LTB4R: variants seen among roughly 807,000 people sequenced by gnomAD.
LTB4R encodes leukotriene B4 receptor.
For missense variants in LTB4R, 470 were observed against 485.6 expected (o/e 0.97, Z 0.30); for synonymous variants, 250 against 230.7 (o/e 1.08, Z -0.76).
chr14:24,314,571 C>T (rs2041752748), intron 1 of LTB4R: 2 of 152,350 alleles, frequency 1.3e-5, no homozygotes, highest in Admixed American at 1.3e-4. Context: ...AATCTGAGCC[C>T]ATTTCCCTTC....
At position 24,317,612 on chromosome 14, in the gene LTB4R, G is replaced by A. The variant is rs2041788470; in HGVS notation, c.*902G>A. On this transcript the variant is annotated 3_prime_UTR_variant, in exon 2 of 2. Coordinates refer to ENST00000345363, the MANE Select transcript of LTB4R (RefSeq NM_001143919.3). ...GAAGATGGCAACAACAGTGGCAGCAGTGTACTTTTTGGATCTTTCTCATAA... is the reference window on the plus strand; with the variant it reads ...GAAGATGGCAACAACAGTGGCAGCAATGTACTTTTTGGATCTTTCTCATAA... The A allele has an allele frequency of 6.0e-6, 1 of 166,976 alleles. No homozygotes were observed. The allele number at this position is 166,976 out of a possible 1,614,324, so 10.3% of individuals were successfully genotyped here.
Position 24,311,791 on chromosome 14 carries a change from C to T in LTB4R, c.-29C>T, listed in dbSNP as rs766469142. On this transcript the variant is annotated 5_prime_UTR_variant, in exon 1 of 2. Transcript: ENST00000345363. ...CTTCCCTGTCCCTTTCCACCCCCCA[C>T]CCACCCTCCAGAGGTCAGTGTTCTG... is the stretch of plus-strand genomic sequence containing the variant. 4.8e-6 allele frequency: 7 copies of T among 1,457,548 alleles called. No individual in the cohort carries two copies. In the South Asian group the frequency reaches 6.8e-5, roughly 14 times the overall value. 90.3% of individuals were successfully genotyped at this position (1,457,548 alleles called of 1,614,324 possible).
chr14:24,315,841 G>A lies in LTB4R; in HGVS notation c.190G>A (p.Asp64Asn). The change falls in exon 2 of 2, where the codon GAC becomes AAC. Residue 64 changes from aspartate (D) to asparagine (N), a missense_variant. By Grantham distance (23) the Asp-to-Asn change is conservative (BLOSUM62 1). Coordinates refer to ENST00000345363, the MANE Select transcript of LTB4R (RefSeq NM_001143919.3). Reference protein sequence around the residue: ...ALMVLNLALADLAVLLTAPFF... With the variant: ...ALMVLNLALANLAVLLTAPFF... ...GATGGTGCTGAACCTGGCCCTGGCC[G>A]ACCTGGCCGTATTGCTCACTGCTCC... The A allele has an allele frequency of 6.2e-7, 1 of 1,614,212 alleles. No homozygotes were observed. Among genetic ancestry groups the A allele is most frequent in the Non-Finnish European group, 8.5e-7 (1 of 1,180,034 alleles).
rs1046584 is a variant in LTB4R, at chr14:24,316,578, C to A, written c.927C>A (p.Gly309=). The A allele has an allele frequency of 2.1e-6, 3 of 1,442,778 alleles. No homozygotes were observed. 89.4% of individuals were successfully genotyped at this position (1,442,778 alleles called of 1,614,324 possible). A position where few individuals can be genotyped will look rare whatever the true frequency, so the allele number is the denominator to read the frequency against. ...TCGCCAAGCTGCTGGAGGGCACGGG[C>A]TCCGAGGCGTCCAGCACGCGCCGCG... The part of the protein sequence containing the change: ...GFVAKLLEGT[G]SEASSTRRGG... Residue 309 remains glycine (G), a synonymous_variant, in exon 2 of 2, where the codon GGC becomes GGA. Transcript: ENST00000345363.
chr14:24,313,691 T>G (rs1002782766), intron 1 of LTB4R: 8 of 151,826 alleles, frequency 5.3e-5, no homozygotes, highest in African/African-American at 1.9e-4. Context: ...GTTCACATGA[T>G]TCTCCTGCCT....
intron 1 of LTB4R, among the ~76,000 whole-genome samples, chr14:24,315,254 G>A (rs896484257): frequency 2.0e-5 from 3 of 152,186 alleles, no homozygotes; most frequent in Non-Finnish European, 4.4e-5. Flanking sequence ...GAGGGGCTGA[G>A]GGCCTGGCAG....
Position 24,316,694 on chromosome 14 carries a change from T to TA in LTB4R, c.1046dup (p.Asn349LysfsTer76), listed in dbSNP as rs1165452774. ...CTCACTGCCTCCAGCCCTCTCAAGTTAAACGAACTGAACTAGGCCTGGTGG... is the reference window on the plus strand; with the variant it reads ...CTCACTGCCTCCAGCCCTCTCAAGTTAAAACGAACTGAACTAGGCCTGGTGG... On this transcript the variant is annotated frameshift_variant, in exon 2 of 2. Transcript: ENST00000345363. LOFTEE classifies it high-confidence loss of function. The TA allele has an allele frequency of 6.5e-7, 1 of 1,534,882 alleles. No individual in the cohort carries two copies. The highest frequency in any genetic ancestry group is 2.0e-5 in the Admixed American group (1 of 49,872).
rs1300387017 is a variant in LTB4R at position 24,316,961 on chromosome 14, T to G, written c.*251T>G. The G allele has an allele frequency of 2.5e-6, 1 of 405,006 alleles. No homozygotes were observed. Among genetic ancestry groups the G allele is most frequent in the Non-Finnish European group, 4.6e-6 (1 of 217,648 alleles). 25.1% of individuals were successfully genotyped at this position (405,006 alleles called of 1,614,324 possible). A position where few individuals can be genotyped will look rare whatever the true frequency, so the allele number is the denominator to read the frequency against. ...AATTTGGTCAACCTTGTGAGTGGGG[T>G]ACATGTGCTGTGGGTATCGGGGTGC... is the stretch of plus-strand genomic sequence containing the variant. On this transcript the variant is annotated 3_prime_UTR_variant, in exon 2 of 2. Transcript: ENST00000345363.
rs1294810874 is a variant in LTB4R at position 24,316,087 on chromosome 14, T to C, written c.436T>C (p.Phe146Leu). 6.2e-7 allele frequency: 1 copy of C among 1,613,222 alleles called. No homozygotes were observed. The highest frequency in any genetic ancestry group is 8.5e-7 in the Non-Finnish European group (1 of 1,180,026). The part of the protein sequence containing the change: ...RVLAGIWVLS[F>L]LLATPVLAYR... ...GCTGGCAGGCATCTGGGTGTTGTCC[T>C]TTCTGCTGGCCACACCCGTCCTCGC... The change falls in exon 2 of 2, where the codon TTT becomes CTT. Residue 146 changes from phenylalanine to leucine, a missense_variant. Physicochemically the swap from Phe to Leu is conservative, Grantham distance 22. Coordinates refer to ENST00000345363, the MANE Select transcript of LTB4R (RefSeq NM_001143919.3).
intron 1 of LTB4R, chr14:24,313,744 C>T (rs905032809): frequency 2.0e-5 from 3 of 152,158 alleles, no homozygotes; most frequent in Non-Finnish European, 4.4e-5. Context: ...TGCCACTACA[C>T]CCAGCTATCT....
Position 24,317,204 on chromosome 14 carries a change from A to T in LTB4R, c.*494A>T, listed in dbSNP as rs1414334527. 1 of 168,010 alleles carries T rather than the reference A, an allele frequency of 6.0e-6. No individual in the cohort carries two copies. Among genetic ancestry groups the T allele is most frequent in the Non-Finnish European group, 1.5e-5 (1 of 68,742 alleles). 10.4% of individuals were successfully genotyped at this position (168,010 alleles called of 1,614,324 possible). A position where few individuals can be genotyped will look rare whatever the true frequency, so the allele number is the denominator to read the frequency against. Reference sequence around the variant, plus strand: ...ACCACCCATGTGGGCTTATCACTCCAGGTTCTGTGACCCGGGACCTTCTGA... The same window carrying T: ...ACCACCCATGTGGGCTTATCACTCCTGGTTCTGTGACCCGGGACCTTCTGA... On this transcript the variant is annotated 3_prime_UTR_variant, in exon 2 of 2. Coordinates refer to ENST00000345363, the MANE Select transcript of LTB4R (RefSeq NM_001143919.3).
intron 1 of LTB4R, 115 bp downstream of exon 1, chr14:24,311,919 G>A (rs1194158547): frequency 1.4e-5 from 9 of 621,504 alleles, no homozygotes; most frequent in Non-Finnish European, 2.5e-5. Flanking sequence ...GGGATTATGA[G>A]GGTGGTGATG....
chr14:24,316,125 A>G lies in LTB4R; in HGVS notation c.474A>G (p.Val158=). ...LATPVLAYRT[V]VPWKTNMSLC... ...CACCCGTCCTCGCGTACCGCACAGT[A>G]GTGCCCTGGAAAACGAACATGAGCC... Residue 158 remains valine (V), a synonymous_variant, in exon 2 of 2, where the codon GTA becomes GTG. Transcript: ENST00000345363. 1.2e-6 allele frequency: 2 copies of G among 1,613,854 alleles called. No individual in the cohort carries two copies. The highest frequency in any genetic ancestry group is 1.7e-6 in the Non-Finnish European group (2 of 1,180,042).
Position 24,315,816 on chromosome 14 carries a change from G to A in LTB4R, c.165G>A (p.Leu55=). ...TGCAGAAGCGCTCTGTCACTGCCCT[G>A]ATGGTGCTGAACCTGGCCCTGGCCG... The part of the protein sequence containing the change: ...KRMQKRSVTA[L]MVLNLALADL... Residue 55 remains leucine, a synonymous_variant, in exon 2 of 2, where the codon CTG becomes CTA. Transcript: ENST00000345363. 1.9e-6 allele frequency: 3 copies of A among 1,614,254 alleles called. No individual in the cohort carries two copies. The highest frequency in any genetic ancestry group is 2.5e-6 in the Non-Finnish European group (3 of 1,180,046).
Position 24,317,576 on chromosome 14 carries a change from C to T in LTB4R, c.*866C>T. On this transcript the variant is annotated 3_prime_UTR_variant, in exon 2 of 2. Transcript: ENST00000345363. ...GAACCTTGGTCCAACTCTGTTCTGACAAGGTTTTAGGAAGATGGCAACAAC... is the reference window on the plus strand; with the variant it reads ...GAACCTTGGTCCAACTCTGTTCTGATAAGGTTTTAGGAAGATGGCAACAAC... 6.0e-6 allele frequency: 1 copy of T among 167,124 alleles called. No homozygotes were observed. The allele number at this position is 167,124 out of a possible 1,614,324, so 10.4% of individuals were successfully genotyped here. A position where few individuals can be genotyped will look rare whatever the true frequency, so the allele number is the denominator to read the frequency against.
At position 24,316,079 on chromosome 14, in the gene LTB4R, TG is replaced by T. The variant is rs776807108; in HGVS notation, c.429del (p.Leu144CysfsTer15). 1 of 1,612,990 alleles carries T rather than the reference TG, an allele frequency of 6.2e-7. No individual in the cohort carries two copies. Among genetic ancestry groups the T allele is most frequent in the South Asian group, 1.1e-5 (1 of 91,070 alleles). ...CGGCGGGTGCTGGCAGGCATCTGGG[TG>T]TTGTCCTTTCTGCTGGCCACACCCG... The part of the protein sequence containing the change: ...MARRVLAGIW[V>X]LSFLLATPVL... On this transcript the variant is annotated frameshift_variant, in exon 2 of 2. Transcript: ENST00000345363. LOFTEE classifies it low-confidence loss of function (END_TRUNC).
chr14:24,316,640 C>A lies in LTB4R; in HGVS notation c.989C>A (p.Ala330Asp), dbSNP rs1050073241. Reference protein sequence around the residue: ...SLGQTARSGPAALEPGPSESL... With the variant: ...SLGQTARSGPDALEPGPSESL... Reference sequence around the variant, plus strand: ...GGCCAGACCGCTAGGAGCGGCCCCGCCGCTCTGGAGCCCGGCCCTTCCGAG... The same window carrying A: ...GGCCAGACCGCTAGGAGCGGCCCCGACGCTCTGGAGCCCGGCCCTTCCGAG... The change falls in exon 2 of 2, where the codon GCC (alanine) becomes GAC (aspartate). Residue 330 changes from alanine to aspartate, a missense_variant. Coordinates refer to ENST00000345363, the MANE Select transcript of LTB4R (RefSeq NM_001143919.3). 11 of 1,529,396 alleles carry A rather than the reference C, an allele frequency of 7.2e-6. No homozygotes were observed. The highest frequency in any genetic ancestry group is 7.9e-6 in the Non-Finnish European group (9 of 1,139,614). The allele number at this position is 1,529,396 out of a possible 1,614,324, so 94.7% of individuals were successfully genotyped here.
rs2041764201 is a variant in LTB4R, at chr14:24,315,909, A to G, written c.258A>G (p.Gly86=). ...HFLAQGTWSF[G]LAGCRLCHYV... ...TGGCCCAAGGCACCTGGAGTTTTGG[A>G]CTGGCTGGTTGCCGCCTGTGTCACT... The change falls in exon 2 of 2, where the codon GGA becomes GGG. Residue 86 remains glycine, a synonymous_variant. Transcript: ENST00000345363. 6.2e-7 allele frequency: 1 copy of G among 1,614,016 alleles called. No individual in the cohort carries two copies. Among genetic ancestry groups the G allele is most frequent in the Admixed American group, 1.7e-5 (1 of 60,018 alleles).
chr14:24,316,345 G>C lies in LTB4R; in HGVS notation c.694G>C (p.Ala232Pro). ...LVVLIILTFAAFWLPYHVVNL... is the reference protein window; with the variant it reads ...LVVLIILTFAPFWLPYHVVNL... ...GGTGCTCATCATCCTGACCTTCGCC[G>C]CCTTCTGGCTGCCCTACCACGTGGT... Residue 232 changes from alanine to proline, a missense_variant, in exon 2 of 2, where the codon GCC (alanine) becomes CCC (proline). Transcript: ENST00000345363. The C allele has an allele frequency of 6.3e-7, 1 of 1,596,072 alleles. No individual in the cohort carries two copies. The highest frequency in any genetic ancestry group is 8.5e-7 in the Non-Finnish European group (1 of 1,174,280).
Sources: gnomAD v4.1 joint callset for allele counts (sites outside exome capture counted in the v4.1 genomes callset) on GRCh38, gnomAD v4.1.1 for gene constraint, MANE v1.5 for transcripts, NCBI Gene and HGNC (gene_info 2026-07-23, HGNC 2026-07-21) for gene names.